Variants in ITIH6 observed in about 807,000 individuals in gnomAD.
ITIH6 encodes the protein inter-alpha-trypsin inhibitor heavy chain family member 6, also known as inter-alpha-trypsin inhibitor heavy chain H6.
In ITIH6, 60 loss-of-function variants were observed where a neutral mutation model predicts 58.2. The observed-to-expected ratio is 1.03, with a 90% CI of 0.84 to 1.28. ITIH6 has a LOEUF of 1.28. Ranked by LOEUF, ITIH6 falls within the 50% of genes most tolerant of loss-of-function variation. The probability of loss-of-function intolerance (pLI) is 0.00; values close to 1 mark genes in which losing one functional copy is unlikely to be tolerated. For missense variants in ITIH6, 1,290 were observed against 1,021.1 expected, an observed-to-expected ratio of 1.26 and a Z score of -3.59; for synonymous variants, 493 against 417.4, an observed-to-expected ratio of 1.18 and a Z score of -2.21.
intron 4 of ITIH6, among the ~76,000 whole-genome samples, chrX:54,789,596 A>G (rs73212565): frequency 0.021 from 2,373 of 111,105 alleles, no homozygotes; most frequent in Non-Finnish European, 0.034. Flanking sequence ...CCCGGACTCA[A>G]ATGGCCTGTG....
rs745791604 is a variant in ITIH6, at chrX:54,790,139, TC to T, written c.616+697del. ...TGAGCCAGGGATTTCTCTGCACCTG[TC>T]CTCTCATCTCTCAGATGAGGTGAGC... On this transcript the variant is annotated intron_variant, in intron 4 of 12. Coordinates refer to ENST00000218436, the MANE Select transcript of ITIH6 (RefSeq NM_198510.3). Among the ~76,000 whole-genome samples the T allele has an allele frequency of 2.0e-5, 2 of 101,229 alleles. 1 individual carries two copies. The highest frequency in any genetic ancestry group is 1.0e-3 in the South Asian group (2 of 1,994). The allele number at this position is 101,229 out of a possible 115,157, so 87.9% of individuals were successfully genotyped here.
intron 5 of ITIH6, among the ~76,000 whole-genome samples, chrX:54,774,442 T>C (rs1929015757): frequency 8.8e-6 from 1 of 113,130 alleles, no homozygotes. Flanking sequence ...TGAGACTGGC[T>C]TGTAGCCCAG....
rs1329592620 is a variant in ITIH6 at position 54,766,183 on chromosome X, GCTCT to G, written c.904-6260_904-6257del. ...TGAATGGGAGTTCACTCATGATTTG[GCTCT>G]CTGTCTGTTGTTGGTGTATAGGAAT... is the stretch of plus-strand genomic sequence containing the variant. On this transcript the variant is annotated intron_variant, in intron 6 of 12. Coordinates refer to ENST00000218436, the MANE Select transcript of ITIH6 (RefSeq NM_198510.3). Among the ~76,000 whole-genome samples, 10 of 110,166 alleles carry G rather than the reference GCTCT, an allele frequency of 9.1e-5. No homozygotes were observed. In the East Asian group the frequency reaches 2.9e-3, roughly 32 times the overall value.
intron 5 of ITIH6, among the ~76,000 whole-genome samples, chrX:54,780,808 C>T (rs1929134696): frequency 9.0e-6 from 1 of 110,717 alleles, no homozygotes; most frequent in South Asian, 3.8e-4. Context: ...TAAATAAAAT[C>T]AGATGAGAAA....
intron 11 of ITIH6, among the ~76,000 whole-genome samples, chrX:54,751,595 G>C (rs961848148): frequency 2.7e-5 from 3 of 112,252 alleles, no homozygotes; most frequent in African/African-American, 9.7e-5. Context: ...CCCCAGTGTG[G>C]TTGTTTGCAT....
intron 5 of ITIH6, among the ~76,000 whole-genome samples, chrX:54,780,465 A>G (rs1461837666): frequency 8.9e-6 from 1 of 112,310 alleles, no homozygotes; most frequent in East Asian, 2.8e-4. Context: ...AAAATTTCTC[A>G]AAACAGATGA....
intron 11 of ITIH6, among the ~76,000 whole-genome samples, chrX:54,753,401 A>G (rs1439264939): frequency 9.0e-6 from 1 of 110,880 alleles, no homozygotes; most frequent in East Asian, 2.8e-4. Context: ...TTTACCACAA[A>G]CTTTTTGAAG....
intron 5 of ITIH6, among the ~76,000 whole-genome samples, chrX:54,776,431 G>A (rs756598164): frequency 1.8e-5 from 2 of 109,971 alleles, no homozygotes; most frequent in South Asian, 4.0e-4. Flanking sequence ...GTGGACTTAG[G>A]GGGCACACAA....
chrX:54,784,050 G>A (rs764263565), intron 5 of ITIH6, among the ~76,000 whole-genome samples: 51 of 111,803 alleles, frequency 4.6e-4, no homozygotes, highest in African/African-American at 1.7e-3. Context: ...ATAGTGAAAT[G>A]ATTTTCAACA....
At chrX:54,759,637 T>C (rs1452940143) in intron 7 of ITIH6, 119 bp downstream of exon 7, 1 of 548,026 alleles carries the variant, frequency 1.8e-6, no homozygotes, top group African/African-American at 2.3e-5. Context: ...GTGTGAAATG[T>C]GGTCTTGATA....
chrX:54,767,950 G>C (rs1328449024), intron 6 of ITIH6, among the ~76,000 whole-genome samples: 1 of 94,736 alleles, frequency 1.1e-5, no homozygotes, highest in Non-Finnish European at 2.0e-5. Context: ...TATCCTTGTT[G>C]ACTTTCTGTC....
Position 54,757,183 on chromosome X carries a change from A to G in ITIH6, c.2891T>C (p.Val964Ala). ...RQVLGPSRPG[V>A]PTMSLLNSSR... ...GCTGTTGAGTAGGCTCATTGTTGGAACTCCTGGCCTAGATGGTCCCAGAAC... is the reference window on the plus strand; with the variant it reads ...GCTGTTGAGTAGGCTCATTGTTGGAGCTCCTGGCCTAGATGGTCCCAGAAC... Residue 964 changes from valine (V) to alanine (A), a missense_variant, in exon 8 of 13, where the codon GTT becomes GCT. Transcript: ENST00000218436. 8.3e-7 allele frequency: 1 copy of G among 1,206,985 alleles called. No homozygotes were observed. Among genetic ancestry groups the G allele is most frequent in the Non-Finnish European group, 1.1e-6 (1 of 893,144 alleles).
At chrX:54,765,473 A>G (rs753914413) in intron 6 of ITIH6, among the ~76,000 whole-genome samples, 3 of 106,457 alleles carry the variant, frequency 2.8e-5, no homozygotes, top group Admixed American at 1.0e-4. Flanking sequence ...TCAGCTTTCT[A>G]CATATGGCTA....
intron 3 of ITIH6, among the ~76,000 whole-genome samples, chrX:54,791,697 C>T (rs2147621385): frequency 8.9e-6 from 1 of 112,212 alleles, no homozygotes; most frequent in Admixed American, 9.4e-5. Flanking sequence ...CCACAATCTG[C>T]TGACAGTAGA....
At position 54,749,988 on chromosome X, in the gene ITIH6, T is replaced by C; in HGVS notation, c.3849A>G (p.Pro1283=). The change falls in exon 13 of 13, where the codon CCA becomes CCG. Residue 1283 remains proline, a synonymous_variant. Transcript: ENST00000218436. The part of the protein sequence containing the change: ...ILGKRLLKDS[P]RLLPRWASCW... ...AGGAAGCCCAGCGGGGCAGCAGCCTTGGTGAGTCCTTCAGCAGCCTCTTGC... is the reference window on the plus strand; with the variant it reads ...AGGAAGCCCAGCGGGGCAGCAGCCTCGGTGAGTCCTTCAGCAGCCTCTTGC... The C allele has an allele frequency of 8.3e-7, 1 of 1,211,528 alleles. No homozygotes were observed.
chrX:54,764,996 T>A (rs1450096925), intron 6 of ITIH6, among the ~76,000 whole-genome samples: 26 of 56,434 alleles, frequency 4.6e-4, no homozygotes, highest in African/African-American at 1.8e-3. Flanking sequence ...TGATTTGCAT[T>A]TCTCTGATGG....
rs754371276 is a variant in ITIH6, at chrX:54,758,136, G to T, written c.1938C>A (p.Ser646Arg). ...TGGGCACCAAGGCTGGCTGAGCTGT[G>T]CTTACCCCTAGGCCATGCCTGCTGC... is the stretch of plus-strand genomic sequence containing the variant. ...SSSSRHGLGV[S>R]TAQPALVPKV... Residue 646 changes from serine (S) to arginine (R), a missense_variant, in exon 8 of 13, where the codon AGC becomes AGA. Coordinates refer to ENST00000218436, the MANE Select transcript of ITIH6 (RefSeq NM_198510.3). 3 of 1,211,821 alleles carry T rather than the reference G, an allele frequency of 2.5e-6. No individual in the cohort carries two copies. Among genetic ancestry groups the T allele is most frequent in the Non-Finnish European group, 2.2e-6 (2 of 895,461 alleles).
intron 2 of ITIH6, among the ~76,000 whole-genome samples, chrX:54,793,671 C>G (rs909987159): frequency 5.4e-5 from 6 of 111,869 alleles, no homozygotes; most frequent in African/African-American, 2.0e-4. Flanking sequence ...AGTGGACATC[C>G]TGGACAGACA....
rs1928314153 is a variant in ITIH6, at chrX:54,749,813, G to A, written c.*82C>T. On this transcript the variant is annotated 3_prime_UTR_variant, in exon 13 of 13. Coordinates refer to ENST00000218436, the MANE Select transcript of ITIH6 (RefSeq NM_198510.3). ...CCCTGTGTGTGCTTCCATGTCCTTG[G>A]GTCTCTGTCCCTGGCTCACCCCATG... 1 of 790,258 alleles carries A rather than the reference G, an allele frequency of 1.3e-6. No homozygotes were observed. Among genetic ancestry groups the A allele is most frequent in the Non-Finnish European group, 1.8e-6 (1 of 547,104 alleles). The allele number at this position is 790,258 out of a possible 1,213,427, so 65.1% of individuals were successfully genotyped here.
Sources: gnomAD v4.1 joint callset for allele counts (sites outside exome capture counted in the v4.1 genomes callset) on GRCh38, gnomAD v4.1.1 for gene constraint, MANE v1.5 for transcripts, NCBI Gene and HGNC (gene_info 2026-07-23, HGNC 2026-07-21) for gene names.